Variants in COBLL1 observed in about 807,000 individuals in gnomAD.
The protein encoded by COBLL1 is cordon-bleu protein-like 1.
A neutral mutation model predicts 94.8 loss-of-function variants in COBLL1; 50 were observed. The observed-to-expected ratio is 0.53, with a 90% CI of 0.42 to 0.67. The LOEUF is 0.67. Ranked by LOEUF, COBLL1 falls within the 30% of genes least tolerant of loss-of-function variation. The pLI is 0.00. For synonymous variants in COBLL1, 448 were observed against 473.8 expected, an observed-to-expected ratio of 0.95 and a Z score of 0.71; for missense variants, 1,362 against 1,348.7, an observed-to-expected ratio of 1.01 and a Z score of -0.15.
chr2:164,814,261 C>T (rs1042984165), intron 2 of COBLL1, among the ~76,000 whole-genome samples: 1 of 152,126 alleles, frequency 6.6e-6, no homozygotes, highest in Non-Finnish European at 1.5e-5. Context: ...CACACACAGA[C>T]ATAAGGATAA....
At chr2:164,778,963 C>T (rs1048622075) in intron 2 of COBLL1, among the ~76,000 whole-genome samples, 21 of 152,038 alleles carry the variant, frequency 1.4e-4, no homozygotes, top group Admixed American at 1.3e-3. Flanking sequence ...ATGATGAGAC[C>T]AACCGCAACT....
At chr2:164,675,861 G>A (rs1267616531), downstream of COBLL1, among the ~76,000 whole-genome samples, 1 of 152,150 alleles carries the variant, frequency 6.6e-6, no homozygotes, top group Non-Finnish European at 1.5e-5. Flanking sequence ...CTGGCCACCT[G>A]CTGCCAAGCA....
intron 2 of COBLL1, among the ~76,000 whole-genome samples, chr2:164,744,590 T>TG (rs1271289871): frequency 6.6e-6 from 1 of 151,778 alleles, no homozygotes; most frequent in Non-Finnish European, 1.5e-5. Context: ...GGCAGACAGG[T>TG]GGGGGGATCC....
rs929600465 is a variant in COBLL1, at chr2:164,758,959, A to T, written c.42-15084T>A. 3.1e-4 allele frequency among the ~76,000 whole-genome samples: 47 copies of T among 151,894 alleles called. No individual in the cohort carries two copies. The Middle Eastern group carries it at 0.014, about 44-fold the overall frequency. On this transcript the variant is annotated intron_variant, in intron 2 of 13. Transcript: ENST00000652658. ...AAAAGTTTTAGTTGATTTTTTTTTT[A>T]AATTTCAAACACACACTAGGTTAGA...
At chr2:164,827,270 A>G (rs758900818) in intron 2 of COBLL1, among the ~76,000 whole-genome samples, 134 of 152,122 alleles carry the variant, frequency 8.8e-4, no homozygotes, top group Non-Finnish European at 1.6e-3. Flanking sequence ...GGTTTTTCTC[A>G]TGGTAAATTC....
At chr2:164,818,113 C>T (rs868415621) in intron 2 of COBLL1, among the ~76,000 whole-genome samples, 8 of 150,904 alleles carry the variant, frequency 5.3e-5, no homozygotes, top group African/African-American at 2.0e-4. Flanking sequence ...CATATATACA[C>T]GTGTGCATGT....
chr2:164,731,673 C>A (rs1246145414), intron 3 of COBLL1, among the ~76,000 whole-genome samples: 1 of 152,128 alleles, frequency 6.6e-6, no homozygotes, highest in Non-Finnish European at 1.5e-5. Flanking sequence ...ATCGGGTAGC[C>A]AGCCATCTGC....
intron 9 of COBLL1, among the ~76,000 whole-genome samples, chr2:164,701,679 A>T (rs923396938): frequency 4.1e-5 from 6 of 147,274 alleles, no homozygotes; most frequent in South Asian, 2.1e-4. Flanking sequence ...TATAAAAAAA[A>T]TGTATTTTAT....
Position 164,801,197 on chromosome 2 carries a change from T to A in COBLL1, c.41+39959A>T, listed in dbSNP as rs549129716. 3.4e-3 allele frequency among the ~76,000 whole-genome samples: 510 copies of A among 151,876 alleles called. 1 individual carries two copies. Among genetic ancestry groups the A allele is most frequent in the Admixed American group, 5.8e-3 (89 of 15,260 alleles). ...GCTCACGCCTGTAATCCCAGCACTT[T>A]GGGAGGCCGAGGCAGGCGGATCACG... On this transcript the variant is annotated intron_variant, in intron 2 of 13. Coordinates refer to ENST00000652658, the MANE Select transcript of COBLL1 (RefSeq NM_001365672.2).
rs180789214 is a variant in COBLL1, at chr2:164,753,463, T to A, written c.42-9588A>T. 2.0e-5 allele frequency among the ~76,000 whole-genome samples: 3 copies of A among 146,672 alleles called. No homozygotes were observed. The East Asian group carries it at 6.1e-4, about 30-fold the overall frequency. ...AAGGTGCACAAACAAAAAAAAAAAA[T>A]GCAGAGATTTCTATTATCTTAAATA... On this transcript the variant is annotated intron_variant, in intron 2 of 13. Coordinates refer to ENST00000652658, the MANE Select transcript of COBLL1 (RefSeq NM_001365672.2).
chr2:164,700,794 TGC>T (rs1241592657), intron 9 of COBLL1, 38 bp from the exon 10 acceptor site: 1 of 1,287,514 alleles, frequency 7.8e-7, no homozygotes, highest in Non-Finnish European at 1.1e-6. Flanking sequence ...AATATTAATT[TGC>T]CTCATTCATC....
chr2:164,740,371 A>G (rs1367600889), intron 3 of COBLL1, among the ~76,000 whole-genome samples: 1 of 152,044 alleles, frequency 6.6e-6, no homozygotes, highest in Non-Finnish European at 1.5e-5. Flanking sequence ...CAAACAAACA[A>G]ACAAAAACAC....
At chr2:164,715,640 T>G (rs1386687115) in intron 7 of COBLL1, among the ~76,000 whole-genome samples, 1 of 152,058 alleles carries the variant, frequency 6.6e-6, no homozygotes, top group African/African-American at 2.4e-5. Context: ...AATATAAAAT[T>G]GCATAAAAGA....
At chr2:164,805,340 T>TAAATATATATGTATAAATATATATAA in intron 2 of COBLL1, among the ~76,000 whole-genome samples, 1 of 66,830 alleles carries the variant, frequency 1.5e-5, no homozygotes, top group African/African-American at 5.0e-5. Context: ...TCTCTCTCTA[T>TAAATATATATGTATAAATATATATAA]ATATATATAT....
Position 164,695,725 on chromosome 2 carries a change from T to C in COBLL1, c.1667A>G (p.Asp556Gly). The C allele has an allele frequency of 6.2e-7, 1 of 1,613,862 alleles. No homozygotes were observed. Among genetic ancestry groups the C allele is most frequent in the Non-Finnish European group, 8.5e-7 (1 of 1,179,856 alleles). Reference protein sequence around the residue: ...VEGVAKNNNIDMEVERPSNSE... With the variant: ...VEGVAKNNNIGMEVERPSNSE... ...GTTTGATGGTCTCTCAACTTCCATA[T>C]CAATGTTGTTATTTTTGGCAACACC... Residue 556 changes from aspartate to glycine, a missense_variant, in exon 12 of 14, where the codon GAT becomes GGT. Coordinates refer to ENST00000652658, the MANE Select transcript of COBLL1 (RefSeq NM_001365672.2).
intron 2 of COBLL1, among the ~76,000 whole-genome samples, chr2:164,775,354 T>C (rs1253200736): frequency 6.6e-6 from 1 of 152,174 alleles, no homozygotes; most frequent in Non-Finnish European, 1.5e-5. Flanking sequence ...ATCATGGCAC[T>C]CTAAACATTT....
intron 2 of COBLL1, among the ~76,000 whole-genome samples, chr2:164,831,717 A>G (rs901702918): frequency 6.6e-6 from 1 of 152,078 alleles, no homozygotes. Context: ...GCTGCCACAG[A>G]CCAGGAAATA....
chr2:164,842,006 AGCACGGCC>A (rs1683651496), upstream of COBLL1: 1 of 1,539,938 alleles, frequency 6.5e-7, no homozygotes, highest in East Asian at 2.5e-5. Flanking sequence ...CCGCCTCTGC[AGCACGGCC>A]GCACATAAGT....
chr2:164,707,435 C>T (rs553134912), intron 7 of COBLL1, among the ~76,000 whole-genome samples: 2 of 152,284 alleles, frequency 1.3e-5, no homozygotes, highest in African/African-American at 4.8e-5. Flanking sequence ...GCTACCATAC[C>T]CGGTCAAATG....
Sources: gnomAD v4.1 joint callset for allele counts (sites outside exome capture counted in the v4.1 genomes callset) on GRCh38, gnomAD v4.1.1 for gene constraint, MANE v1.5 for transcripts, NCBI Gene and HGNC (gene_info 2026-07-23, HGNC 2026-07-21) for gene names.